RIF1: variants seen among roughly 807,000 people sequenced by gnomAD.
The protein encoded by RIF1 is telomere-associated protein RIF1.
In RIF1, 45 loss-of-function variants were observed where a neutral mutation model predicts 247.1. The ratio of observed to expected loss-of-function variants is 0.18; its 90% CI spans 0.14 to 0.23. The LOEUF (loss-of-function observed/expected upper bound fraction) is 0.23, where lower values mean the gene tolerates loss of function less well. Among genes scored for constraint, RIF1 ranks in the 10% least tolerant of loss-of-function variants. The pLI is 1.00. For synonymous variants in RIF1, 1,087 were observed against 978.8 expected, an observed-to-expected ratio of 1.11 and a Z score of -2.06; for missense variants, 2,967 against 2,862.5, an observed-to-expected ratio of 1.04 and a Z score of -0.83.
At chr2:151,411,207 A>ATTT in intron 2 of RIF1, 53 bp from the exon 3 acceptor site, 1 of 909,334 alleles carries the variant, frequency 1.1e-6, no homozygotes, top group Admixed American at 2.5e-5. Flanking sequence ...TTTTGAGAGT[A>ATTT]TTTTTTTTTT....
intron 11 of RIF1, among the ~76,000 whole-genome samples, chr2:151,500,003 C>T (rs1559255366): frequency 6.6e-6 from 1 of 151,940 alleles, no homozygotes; most frequent in Non-Finnish European, 1.5e-5. Flanking sequence ...CAAATAGATA[C>T]AAATAATAAT....
the RIF1 span, chr2:151,529,332 G>A: frequency 1.4e-5 from 21 of 1,507,440 alleles, no homozygotes; most frequent in Non-Finnish European, 1.9e-5. Flanking sequence ...AGGAAACACA[G>A]TGACAAGATT....
intron 8 of RIF1, among the ~76,000 whole-genome samples, chr2:151,424,584 C>G (rs1196284102): frequency 6.6e-6 from 1 of 152,048 alleles, no homozygotes; most frequent in Non-Finnish European, 1.5e-5. Context: ...TGTTGGAGTT[C>G]CTGCTTTCAG....
chr2:151,511,489 T>A (rs1473981285), downstream of RIF1, among the ~76,000 whole-genome samples: 2 of 152,186 alleles, frequency 1.3e-5, no homozygotes. Flanking sequence ...AAAAATAGAT[T>A]TCCAGAGCCT....
At chr2:151,508,526 G>GTCAAAGACATGACCTCTA (rs1456180505), downstream of RIF1, among the ~76,000 whole-genome samples, 2 of 152,072 alleles carry the variant, frequency 1.3e-5, no homozygotes, top group African/African-American at 4.8e-5. Context: ...AGGGTTAAGA[G>GTCAAAGACATGACCTCTA]TCAAAGACAT....
chr2:151,410,309 A>AGGCCCGGGCGGGCGTGCGGGTGT, intron 1 of RIF1, 105 bp from the exon 2 acceptor site: 1 of 844,458 alleles, frequency 1.2e-6, no homozygotes, highest in Non-Finnish European at 1.9e-6. Context: ...CGTGGCTGTG[A>AGGCCCGGGCGGGCGTGCGGGTGT]GGCCCGGGCG....
At chr2:151,494,202 C>G in intron 9 of RIF1, 1 of 1,608,248 alleles carries the variant, frequency 6.2e-7, no homozygotes. Flanking sequence ...CTCTGCATCT[C>G]AGGAGTGACA....
In RIF1 at chr2:151,465,551, T is replaced by C. The variant is rs930534016; in HGVS notation, c.6031T>C (p.Ser2011Pro). ...GGNDVSDLHS[S>P]EETNTKMKNN... Reference sequence around the variant, plus strand: ...AAATGATGTATCTGATCTACACTCATCTGAAGAAACGAATACCAAAATGAA... The same window carrying C: ...AAATGATGTATCTGATCTACACTCACCTGAAGAAACGAATACCAAAATGAA... The change falls in exon 30 of 36, where the codon TCT (serine) becomes CCT (proline). Residue 2011 changes from serine to proline, a missense_variant. Around this residue, in one of 7 missense-constraint regions of RIF1, gnomAD observed 2,028 missense variants for 1,825.6 expected, o/e 1.11. Transcript: ENST00000444746. 6.2e-7 allele frequency: 1 copy of C among 1,613,944 alleles called. No individual in the cohort carries two copies. The highest frequency in any genetic ancestry group is 8.5e-7 in the Non-Finnish European group (1 of 1,179,946).
At chr2:151,519,909 A>C in the RIF1 span, 8 of 572,260 alleles carry the variant, frequency 1.4e-5, no homozygotes, top group Non-Finnish European at 2.5e-5. Context: ...TGGGACATTT[A>C]GAGTAAAGAA....
At chr2:151,532,073 G>A in the RIF1 span, 3 of 554,098 alleles carry the variant, frequency 5.4e-6, no homozygotes, top group Non-Finnish European at 6.4e-6. Context: ...GGAGTGAGCA[G>A]ATGATACTAC....
intron 29 of RIF1, among the ~76,000 whole-genome samples, 154 bp from the exon 30 acceptor site, chr2:151,462,730 A>G (rs1696381023): frequency 1.3e-5 from 2 of 152,278 alleles, no homozygotes; most frequent in Middle Eastern, 3.4e-3. Context: ...ACTGTTAGGT[A>G]TCTACCACTA....
chr2:151,461,222 C>T lies in RIF1; in HGVS notation c.3160C>T (p.Pro1054Ser). 1 of 1,613,304 alleles carries T rather than the reference C, an allele frequency of 6.2e-7. No individual in the cohort carries two copies. Among genetic ancestry groups the T allele is most frequent in the Non-Finnish European group, 8.5e-7 (1 of 1,179,584 alleles). ...EKSTDFVFIP[P>S]EGKDAKERIL... The stretch of plus-strand genomic sequence containing the variant: ...GTCTACTGACTTTGTGTTTATACCT[C>T]CAGAAGGAAAAGATGCAAAGGAAAG... The change falls in exon 27 of 36, where the codon CCA (proline) becomes TCA (serine). Residue 1054 changes from proline (P) to serine (S), a missense_variant. Physicochemically the swap from Pro to Ser is moderately conservative, Grantham distance 74 (BLOSUM62 -1). Around this residue, in one of 7 missense-constraint regions of RIF1, gnomAD observed 2,028 missense variants for 1,825.6 expected, o/e 1.11. Transcript: ENST00000444746.
chr2:151,486,982 GA>G (rs968852196), downstream of RIF1, among the ~76,000 whole-genome samples: 7 of 152,098 alleles, frequency 4.6e-5, no homozygotes, highest in Admixed American at 1.3e-4. Flanking sequence ...GAGATGGTTG[GA>G]AAAAAAGCTT....
downstream of RIF1, among the ~76,000 whole-genome samples, chr2:151,484,291 G>A (rs2049354250): frequency 6.6e-6 from 1 of 152,184 alleles, no homozygotes; most frequent in Admixed American, 6.5e-5. Context: ...AAGTAAATAG[G>A]AAATTTAAAA....
chr2:151,460,132 A>T lies in RIF1; in HGVS notation c.3075+13A>T. 4.0e-6 allele frequency: 6 copies of T among 1,510,440 alleles called. No individual in the cohort carries two copies. The highest frequency in any genetic ancestry group is 5.4e-6 in the Non-Finnish European group (6 of 1,116,134). The allele number at this position is 1,510,440 out of a possible 1,614,324, so 93.6% of individuals were successfully genotyped here. Reference sequence around the variant, plus strand: ...ACCAGCAGCCAAAGTATGTTTTCAAAAGTTTAATCAAAAATTTTAAGATAA... The same window carrying T: ...ACCAGCAGCCAAAGTATGTTTTCAATAGTTTAATCAAAAATTTTAAGATAA... On this transcript the variant is annotated intron_variant, in intron 26 of 35. Transcript: ENST00000444746.
At chr2:151,483,913 CTG>C (rs2049311787), downstream of RIF1, among the ~76,000 whole-genome samples, 2 of 152,346 alleles carry the variant, frequency 1.3e-5, no homozygotes, top group East Asian at 3.9e-4. Flanking sequence ...TCGTTCCCCA[CTG>C]TGTGGAAAAA....
At chr2:151,447,067 C>T (rs1389543002) in intron 20 of RIF1, among the ~76,000 whole-genome samples, 1 of 151,716 alleles carries the variant, frequency 6.6e-6, no homozygotes, top group Non-Finnish European at 1.5e-5. Flanking sequence ...CCTCAGCCTC[C>T]CGAGTAGCTG....
chr2:151,485,758 G>T (rs1428147523), downstream of RIF1: 1 of 1,606,704 alleles, frequency 6.2e-7, no homozygotes, highest in East Asian at 2.2e-5. Context: ...GCTTTGAAAT[G>T]CCTAAATAGC....
chr2:151,447,145 G>A (rs999927071), intron 20 of RIF1, among the ~76,000 whole-genome samples: 6 of 151,532 alleles, frequency 4.0e-5, no homozygotes, highest in Admixed American at 2.6e-4. Context: ...GGGTTTCACC[G>A]TGTTAGCCAG....
Sources: gnomAD v4.1 joint callset for allele counts (sites outside exome capture counted in the v4.1 genomes callset) on GRCh38, gnomAD v4.1.1 for gene constraint, gnomAD v4.1.1 regional missense constraint, MANE v1.5 for transcripts, NCBI Gene and HGNC (gene_info 2026-07-23, HGNC 2026-07-21) for gene names.